The following TLN2 variants were observed in gnomAD, a reference collection of about 807,000 sequenced individuals.
The protein encoded by TLN2 is talin 2, also known as talin-2.
In TLN2, 118 loss-of-function variants were observed where a neutral mutation model predicts 294.7. The ratio of observed to expected loss-of-function variants is 0.40; its 90% CI spans 0.34 to 0.47. TLN2 has a LOEUF of 0.47. Among genes scored for constraint, TLN2 ranks in the 20% least tolerant of loss-of-function variants. TLN2 has a pLI of 0.84. For missense variants in TLN2, 3,083 were observed against 3,282.2 expected (o/e 0.94, Z 1.48); for synonymous variants, 1,431 against 1,304.5 (o/e 1.10, Z -2.09).
At chr15:62,438,009 T>G (rs892235477) in intron 1 of TLN2, among the ~76,000 whole-genome samples, 1 of 152,160 alleles carries the variant, frequency 6.6e-6, no homozygotes, top group Non-Finnish European at 1.5e-5. Context: ...TGGCAGCAGA[T>G]GCACCCTGGT....
At chr15:62,689,877 T>TTTTTTTA (rs71131119) in intron 12 of TLN2, among the ~76,000 whole-genome samples, 144 of 9,848 alleles carry the variant, frequency 0.015, 43 homozygotes, top group Middle Eastern at 0.17. Context: ...TTTTTTTTTT[T>TTTTTTTA]ATTGGCTGAC....
chr15:62,437,466 A>G (rs2035340206), intron 1 of TLN2, among the ~76,000 whole-genome samples: 2 of 151,978 alleles, frequency 1.3e-5, no homozygotes, highest in African/African-American at 4.8e-5. Flanking sequence ...GCTGGTCGTG[A>G]ACTCCTGGCC....
At chr15:62,585,446 G>T (rs910875949) in intron 1 of TLN2, among the ~76,000 whole-genome samples, 4 of 152,074 alleles carry the variant, frequency 2.6e-5, no homozygotes, top group African/African-American at 7.2e-5. Context: ...CTGCTCTTAC[G>T]ATGAGCAACC....
intron 52 of TLN2, among the ~76,000 whole-genome samples, chr15:62,818,830 CTT>C (rs763245234): frequency 7.9e-6 from 1 of 126,270 alleles, no homozygotes. Flanking sequence ...TCAGCATGTT[CTT>C]TTTTTTTTTA....
At chr15:62,576,449 C>A (rs1261983048) in intron 1 of TLN2, among the ~76,000 whole-genome samples, 17 of 152,092 alleles carry the variant, frequency 1.1e-4, no homozygotes, top group Admixed American at 1.1e-3. Context: ...CACCTGCCAA[C>A]CTCATAGGTT....
At chr15:62,688,977 T>G (rs942784464) in intron 12 of TLN2, among the ~76,000 whole-genome samples, 4 of 152,068 alleles carry the variant, frequency 2.6e-5, no homozygotes, top group African/African-American at 9.7e-5. Flanking sequence ...AATTGGTATA[T>G]TTACACTATA....
chr15:62,582,215 C>CACACACACACACACACAT (rs1427988115), intron 1 of TLN2, among the ~76,000 whole-genome samples: 44 of 134,334 alleles, frequency 3.3e-4, no homozygotes, highest in Non-Finnish European at 5.0e-4. Flanking sequence ...CACACACACA[C>CACACACACACACACACAT]ACACACACAC....
chr15:62,785,946 G>A (rs1567602790), intron 45 of TLN2, among the ~76,000 whole-genome samples: 1 of 152,192 alleles, frequency 6.6e-6, no homozygotes, highest in African/African-American at 2.4e-5. Context: ...GGTTACTTTG[G>A]TTATTGGCCC....
chr15:62,836,394 C>T (rs1851917086), intron 57 of TLN2, among the ~76,000 whole-genome samples: 1 of 152,216 alleles, frequency 6.6e-6, no homozygotes, highest in African/African-American at 2.4e-5. Flanking sequence ...GTTTATCCCT[C>T]CTCTGTGCTT....
In TLN2 at chr15:62,533,518, A is replaced by G. The variant is rs185573892; in HGVS notation, c.-237-56169A>G. Among the ~76,000 whole-genome samples, 18 of 152,306 alleles carry G rather than the reference A, an allele frequency of 1.2e-4. No homozygotes were observed. In the East Asian group the frequency reaches 1.9e-3, roughly 16 times the overall value. The stretch of plus-strand genomic sequence containing the variant: ...ACTCCAAGGATCATTATAAATATAT[A>G]TAATAATAGATAAGCACATCTATAT... On this transcript the variant is annotated intron_variant, in intron 1 of 58. Transcript: ENST00000636159.
chr15:62,468,609 G>A (rs895666815), intron 1 of TLN2, among the ~76,000 whole-genome samples: 20 of 152,044 alleles, frequency 1.3e-4, no homozygotes, highest in African/African-American at 4.8e-4. Context: ...GCCGGGTGTG[G>A]TGGCGGGCGC....
At chr15:62,700,917 C>T (rs2058678361) in intron 16 of TLN2, among the ~76,000 whole-genome samples, 189 bp from the exon 17 acceptor site, 1 of 152,140 alleles carries the variant, frequency 6.6e-6, no homozygotes, top group African/African-American at 2.4e-5. Flanking sequence ...ATTTGCACGC[C>T]ATTGAGTATC....
chr15:62,675,341 G>C lies in TLN2; in HGVS notation c.957+20G>C. The C allele has an allele frequency of 6.2e-7, 1 of 1,611,422 alleles. No homozygotes were observed. The highest frequency in any genetic ancestry group is 8.5e-7 in the Non-Finnish European group (1 of 1,177,506). On this transcript the variant is annotated intron_variant, in intron 11 of 58. Coordinates refer to ENST00000636159, the MANE Select transcript of TLN2 (RefSeq NM_015059.3). ...GTGAAGGTGAGTTGGGCAGAATGGGGAGAGTGTTCACCTTGGCCCCTTCTT... is the reference window on the plus strand; with the variant it reads ...GTGAAGGTGAGTTGGGCAGAATGGGCAGAGTGTTCACCTTGGCCCCTTCTT...
chr15:62,580,511 G>A (rs2140685329), intron 1 of TLN2, among the ~76,000 whole-genome samples: 1 of 148,332 alleles, frequency 6.7e-6, no homozygotes, highest in East Asian at 2.1e-4. Flanking sequence ...CCCAGGCTCA[G>A]GCAATCCTCC....
chr15:62,572,022 A>G (rs1406426205), intron 1 of TLN2, among the ~76,000 whole-genome samples: 1 of 152,130 alleles, frequency 6.6e-6, no homozygotes, highest in African/African-American at 2.4e-5. Flanking sequence ...CTGATATGGG[A>G]GGGTGCGGAG....
intron 9 of TLN2, among the ~76,000 whole-genome samples, chr15:62,672,794 G>A (rs370521438): frequency 2.6e-5 from 4 of 151,990 alleles, no homozygotes; most frequent in Admixed American, 2.6e-4. Context: ...GGGTGGTGTC[G>A]GGGGGTTGCC....
intron 1 of TLN2, among the ~76,000 whole-genome samples, chr15:62,489,006 C>A (rs1364121173): frequency 6.6e-6 from 1 of 152,080 alleles, no homozygotes; most frequent in African/African-American, 2.4e-5. Context: ...ACTAAAAATA[C>A]AAAAATTAGC....
chr15:62,725,153 G>C, intron 27 of TLN2, 49 bp downstream of exon 27: 3 of 1,562,048 alleles, frequency 1.9e-6, no homozygotes, highest in Admixed American at 3.6e-5. Flanking sequence ...TTGTTATGAC[G>C]TTATTAAATT....
chr15:62,797,873 G>C (rs1321236644), intron 48 of TLN2, among the ~76,000 whole-genome samples: 5 of 152,210 alleles, frequency 3.3e-5, no homozygotes, highest in African/African-American at 1.2e-4. Context: ...TGTTGCCATA[G>C]AGGTAGCGAC....
Sources: allele counts gnomAD v4.1 joint callset (sites outside exome capture counted in the v4.1 genomes callset), GRCh38; gene constraint gnomAD v4.1.1; transcripts MANE v1.5; gene names NCBI Gene and HGNC (gene_info 2026-07-23, HGNC 2026-07-21).